Variants in PRPF38B observed in about 807,000 individuals in gnomAD.
PRPF38B encodes pre-mRNA-splicing factor 38B.
PRPF38B carries 18 observed loss-of-function variants against 67.2 expected under a neutral mutation model. The observed-to-expected ratio is 0.27, with a 90% CI of 0.19 to 0.40. The LOEUF (loss-of-function observed/expected upper bound fraction) is 0.40. Ranked by LOEUF, PRPF38B falls within the 10% of genes least tolerant of loss-of-function variation. The pLI is 1.00. For synonymous variants in PRPF38B, 246 were observed against 234.2 expected (o/e 1.05, Z -0.46); for missense variants, 544 against 684.9 (o/e 0.79, Z 2.30).
In PRPF38B at chr1:108,699,719, G is replaced by T. The variant is rs550631635; in HGVS notation, c.1340G>T (p.Arg447Leu). 1.2e-6 allele frequency: 2 copies of T among 1,612,802 alleles called. No individual in the cohort carries two copies. The highest frequency in any genetic ancestry group is 3.3e-5 in the Admixed American group (2 of 59,838). Residue 447 changes from arginine to leucine, a missense_variant, in exon 6 of 6, where the codon CGA becomes CTA. Physicochemically the swap from Arg to Leu is moderately radical, Grantham distance 102. This residue lies in a region of PRPF38B where 387 missense variants were observed against 386.1 expected (regional missense o/e 1.00). Transcript: ENST00000370025. ...AGTCGAAGTAGAAATGCAGGGAAACGAAGTAGAAGTAGAAGCAAAGAGAAA... is the reference window on the plus strand; with the variant it reads ...AGTCGAAGTAGAAATGCAGGGAAACTAAGTAGAAGTAGAAGCAAAGAGAAA... ...SRSRSRNAGK[R>L]SRSRSKEKSS...
intron 1 of PRPF38B, among the ~76,000 whole-genome samples, chr1:108,694,457 A>G (rs551210661): frequency 1.3e-5 from 2 of 152,338 alleles, no homozygotes; most frequent in East Asian, 3.9e-4. Context: ...TTTTACTAAT[A>G]TTAAGAAGAC....
chr1:108,692,904 T>C (rs1478454990), intron 1 of PRPF38B, 37 bp downstream of exon 1: 1 of 1,584,316 alleles, frequency 6.3e-7, no homozygotes, highest in African/African-American at 1.4e-5. Flanking sequence ...GGGGGTAAGT[T>C]CGGAAGAGGG....
rs1659474984 is a variant in PRPF38B, at chr1:108,693,001, C to T, written c.276+134C>T. The T allele has an allele frequency of 9.4e-6, 11 of 1,169,006 alleles. No individual in the cohort carries two copies. The South Asian group carries it at 1.1e-4, about 12-fold the overall frequency. 72.4% of individuals were successfully genotyped at this position (1,169,006 alleles called of 1,614,324 possible). The stretch of plus-strand genomic sequence containing the variant: ...TGGTTCGGCGGAGGGGTGGCTGCGG[C>T]CTGTAGTGTGTCTGGGAGGGGTCGG... On this transcript the variant is annotated intron_variant, in intron 1 of 5. Coordinates refer to ENST00000370025, the MANE Select transcript of PRPF38B (RefSeq NM_018061.4).
chr1:108,692,651 A>G lies in PRPF38B; in HGVS notation c.60A>G (p.Ala20=). The change falls in exon 1 of 6, where the codon GCA becomes GCG. Residue 20 remains alanine, a synonymous_variant. Transcript: ENST00000370025. ...CGCAGCCGCAGCACCAGGCGGCTGC[A>G]GCTGCGGCTCAGCAACAGCAGCAGT... is the stretch of plus-strand genomic sequence containing the variant. ...GNSQPQHQAA[A]AAAQQQQQCG... The G allele has an allele frequency of 6.2e-7, 1 of 1,610,800 alleles. No individual in the cohort carries two copies. Among genetic ancestry groups the G allele is most frequent in the Non-Finnish European group, 8.5e-7 (1 of 1,179,084 alleles).
chr1:108,698,627 A>G lies in PRPF38B; in HGVS notation c.582A>G (p.Gly194=), dbSNP rs139023157. The change falls in exon 5 of 6, where the codon GGA becomes GGG. Residue 194 remains glycine (G), a synonymous_variant. Transcript: ENST00000370025. ...DEEDLDVKAG[G]GCVMTIGEML... ...AGGACCTAGATGTGAAGGCTGGTGG[A>G]GGCTGTGTAATGACCATTGGAGAAA... is the stretch of plus-strand genomic sequence containing the variant. The G allele has an allele frequency of 7.5e-5, 121 of 1,611,826 alleles. No individual in the cohort carries two copies. Among genetic ancestry groups the G allele is most frequent in the Non-Finnish European group, 9.9e-5 (117 of 1,178,124 alleles).
At chr1:108,698,868 T>A (rs767122991) in intron 5 of PRPF38B, 41 bp downstream of exon 5, 1 of 1,517,294 alleles carries the variant, frequency 6.6e-7, no homozygotes, top group Non-Finnish European at 9.0e-7. Flanking sequence ...TCATATATGC[T>A]TTATACAAAA....
chr1:108,692,864 T>C lies in PRPF38B; in HGVS notation c.273T>C (p.Phe91=). ...TYHEVVDEIY[F]KVTHVEPWEK... Reference sequence around the variant, plus strand: ...ACGAGGTGGTGGACGAGATCTACTTTAAGGTACGAAGTGTGTAGGCCTTGG... The same window carrying C: ...ACGAGGTGGTGGACGAGATCTACTTCAAGGTACGAAGTGTGTAGGCCTTGG... The change falls in exon 1 of 6, where the codon TTT becomes TTC. Residue 91 remains phenylalanine, a synonymous_variant. Transcript: ENST00000370025. 1 of 1,613,942 alleles carries C rather than the reference T, an allele frequency of 6.2e-7. No individual in the cohort carries two copies. The highest frequency in any genetic ancestry group is 1.1e-5 in the South Asian group (1 of 91,080).
chr1:108,693,744 C>T (rs912090651), intron 1 of PRPF38B: 2 of 596,164 alleles, frequency 3.4e-6, no homozygotes, highest in African/African-American at 4.1e-5. Context: ...TGCTTTTGGT[C>T]CTTCACCAAT....
At position 108,702,159 on chromosome 1, in the gene PRPF38B, T is replaced by C. The variant is rs1660567510; in HGVS notation, c.*2139T>C. ...GTTTTTGTTTTGAGACGGGCCTGGC[T>C]CTGTCACCCAGACTGGAGTGCAGTG... On this transcript the variant is annotated 3_prime_UTR_variant, in exon 6 of 6. Coordinates refer to ENST00000370025, the MANE Select transcript of PRPF38B (RefSeq NM_018061.4). Among the ~76,000 whole-genome samples the C allele has an allele frequency of 6.6e-6, 1 of 152,240 alleles. No homozygotes were observed. The highest frequency in any genetic ancestry group is 1.5e-5 in the Non-Finnish European group (1 of 68,038).
At chr1:108,696,837 G>T in intron 4 of PRPF38B, 2 of 686,784 alleles carry the variant, frequency 2.9e-6, no homozygotes, top group South Asian at 1.6e-5. Context: ...CTAAGTGTTT[G>T]GATGACTTGT....
intron 1 of PRPF38B, among the ~76,000 whole-genome samples, chr1:108,693,077 C>T (rs1659488291): frequency 6.6e-6 from 1 of 152,192 alleles, no homozygotes; most frequent in Admixed American, 6.5e-5. Flanking sequence ...CCGGGAGAGC[C>T]CGCCACTATT....
intron 3 of PRPF38B, 28 bp from the exon 4 acceptor site, chr1:108,696,249 G>A (rs769023761): frequency 1.2e-6 from 2 of 1,611,034 alleles, no homozygotes; most frequent in African/African-American, 2.7e-5. Context: ...ATTCACATGT[G>A]TTTAATAATA....
chr1:108,692,558 C>A lies in PRPF38B; in HGVS notation c.-34C>A, dbSNP rs115485065. ...GAGATCGAGCTTGGCCCCCTCCCCC[C>A]CCTCCTTCCCTCCCTCCTTCCTTCC... On this transcript the variant is annotated 5_prime_UTR_variant, in exon 1 of 6. Transcript: ENST00000370025. The A allele has an allele frequency of 4.0e-5, 60 of 1,504,540 alleles. No homozygotes were observed. Among genetic ancestry groups the A allele is most frequent in the Middle Eastern group, 2.2e-4 (1 of 4,468 alleles). The allele number at this position is 1,504,540 out of a possible 1,614,324, so 93.2% of individuals were successfully genotyped here.
Position 108,699,297 on chromosome 1 carries a change from T to C in PRPF38B, c.918T>C (p.Arg306=). The C allele has an allele frequency of 6.2e-7, 1 of 1,613,904 alleles. No individual in the cohort carries two copies. Among genetic ancestry groups the C allele is most frequent in the East Asian group, 2.2e-5 (1 of 44,856 alleles). Residue 306 remains arginine, a synonymous_variant, in exon 6 of 6, where the codon CGT becomes CGC. Coordinates refer to ENST00000370025, the MANE Select transcript of PRPF38B (RefSeq NM_018061.4). ...EREKERQRLE[R]EAKEREKERR... Reference sequence around the variant, plus strand: ...AGAAAGAACGCCAGCGACTAGAGCGTGAAGCCAAAGAAAGGGAGAAAGAAC... The same window carrying C: ...AGAAAGAACGCCAGCGACTAGAGCGCGAAGCCAAAGAAAGGGAGAAAGAAC...
intron 1 of PRPF38B, chr1:108,693,720 G>GT (rs966382619): frequency 1.4e-5 from 12 of 857,172 alleles, no homozygotes; most frequent in South Asian, 5.4e-5. Flanking sequence ...ATTTTTGTGG[G>GT]TTTTTTTGGC....
rs1184944368 is a variant in PRPF38B, at chr1:108,702,699, A to T, written c.*2679A>T. 6.6e-6 allele frequency among the ~76,000 whole-genome samples: 1 copy of T among 152,154 alleles called. No homozygotes were observed. The highest frequency in any genetic ancestry group is 1.5e-5 in the Non-Finnish European group (1 of 68,034). On this transcript the variant is annotated 3_prime_UTR_variant, in exon 6 of 6. Transcript: ENST00000370025. The stretch of plus-strand genomic sequence containing the variant: ...AATACCTAATGTAGATGACAGGTTG[A>T]TGGGTGCAGCTCACCACCAAGGTAC...
In PRPF38B at chr1:108,692,654, T is replaced by G; in HGVS notation, c.63T>G (p.Ala21=). 1.2e-6 allele frequency: 2 copies of G among 1,611,056 alleles called. No homozygotes were observed. The highest frequency in any genetic ancestry group is 1.7e-6 in the Non-Finnish European group (2 of 1,179,234). The change falls in exon 1 of 6, where the codon GCT becomes GCG. Residue 21 remains alanine (A), a synonymous_variant. Coordinates refer to ENST00000370025, the MANE Select transcript of PRPF38B (RefSeq NM_018061.4). Reference sequence around the variant, plus strand: ...AGCCGCAGCACCAGGCGGCTGCAGCTGCGGCTCAGCAACAGCAGCAGTGCG... The same window carrying G: ...AGCCGCAGCACCAGGCGGCTGCAGCGGCGGCTCAGCAACAGCAGCAGTGCG... The part of the protein sequence containing the change: ...NSQPQHQAAA[A]AAQQQQQCGG...
At chr1:108,696,372 G>T in intron 4 of PRPF38B, 35 bp downstream of exon 4, 1 of 1,532,246 alleles carries the variant, frequency 6.5e-7, no homozygotes, top group South Asian at 1.2e-5. Flanking sequence ...GTTTTCTTCT[G>T]ATTACTCTCA....
rs993548796 is a variant in PRPF38B at position 108,692,526 on chromosome 1, G to T, written c.-66G>T. The T allele has an allele frequency of 1.1e-4, 165 of 1,471,996 alleles. No homozygotes were observed. Among genetic ancestry groups the T allele is most frequent in the Non-Finnish European group, 1.4e-4 (160 of 1,111,910 alleles). 91.2% of individuals were successfully genotyped at this position (1,471,996 alleles called of 1,614,324 possible). Reference sequence around the variant, plus strand: ...GAGTAGGGTCCCAGACCGTTGTCCCGAAGAGCGAGATCGAGCTTGGCCCCC... The same window carrying T: ...GAGTAGGGTCCCAGACCGTTGTCCCTAAGAGCGAGATCGAGCTTGGCCCCC... On this transcript the variant is annotated 5_prime_UTR_variant, in exon 1 of 6. Coordinates refer to ENST00000370025, the MANE Select transcript of PRPF38B (RefSeq NM_018061.4).
Sources: allele counts gnomAD v4.1 joint callset (sites outside exome capture counted in the v4.1 genomes callset), GRCh38; gene constraint gnomAD v4.1.1; regional missense constraint gnomAD v4.1.1; transcripts MANE v1.5; gene names NCBI Gene and HGNC (gene_info 2026-07-23, HGNC 2026-07-21).